The following LRR1 variants were observed in gnomAD, a reference collection of about 807,000 sequenced individuals.
LRR1 encodes leucine-rich repeat protein 1.
LRR1 carries 29 observed loss-of-function variants against 31.6 expected under a neutral mutation model. The ratio of observed to expected loss-of-function variants is 0.92; its 90% CI spans 0.68 to 1.25. The LOEUF (loss-of-function observed/expected upper bound fraction) is 1.25, where lower values mean the gene tolerates loss of function less well. LRR1 is among the 50% of genes most tolerant of loss of function. The pLI is 0.00. For synonymous variants in LRR1, 179 were observed against 181.4 expected (o/e 0.99, Z 0.10); for missense variants, 485 against 487.2 (o/e 1.00, Z 0.04).
rs762688991 is a variant in LRR1 at position 49,608,091 on chromosome 14, A to C, written c.974A>C (p.Glu325Ala). The C allele has an allele frequency of 6.3e-7, 1 of 1,597,136 alleles. No homozygotes were observed. The highest frequency in any genetic ancestry group is 1.1e-5 in the South Asian group (1 of 88,928). The change falls in exon 3 of 4, where the codon GAA (glutamate) becomes GCA (alanine). Residue 325 changes from glutamate (E) to alanine (A), a missense_variant. By Grantham distance (107) the Glu-to-Ala change is moderately radical (BLOSUM62 -1). Transcript: ENST00000298288. ...IKLQAPLTLLESSARTILHNR... is the reference protein window; with the variant it reads ...IKLQAPLTLLASSARTILHNR... ...CTGCAAGCACCATTAACTTTATTGG[A>C]ATCTTCTGCACGAACCATATTACAT...
Position 49,614,603 on chromosome 14 carries a change from A to G in LRR1, c.*107A>G, listed in dbSNP as rs764367403. ...GGGAAGATTTCTGTATACTTGCTGG[A>G]GAGGAGGAATGTGTATAGTTACTCA... On this transcript the variant is annotated 3_prime_UTR_variant, in exon 4 of 4. Coordinates refer to ENST00000298288, the MANE Select transcript of LRR1 (RefSeq NM_152329.4). 3.4e-6 allele frequency: 5 copies of G among 1,449,884 alleles called. No individual in the cohort carries two copies. The highest frequency in any genetic ancestry group is 4.8e-6 in the Non-Finnish European group (5 of 1,041,798). 89.8% of individuals were successfully genotyped at this position (1,449,884 alleles called of 1,614,324 possible).
rs1163510871 is a variant in LRR1 at position 49,600,140 on chromosome 14, C to G, written c.183+937C>G. 3 of 1,545,530 alleles carry G rather than the reference C, an allele frequency of 1.9e-6. No individual in the cohort carries two copies. The Admixed American group carries it at 5.0e-5, about 26-fold the overall frequency. On this transcript the variant is annotated intron_variant, in intron 1 of 3. Transcript: ENST00000298288. ...CCGTCTTCGACCACTACACAGTCAGCGTCACCGTGGGGGGCAAGCAGTACC... is the reference window on the plus strand; with the variant it reads ...CCGTCTTCGACCACTACACAGTCAGGGTCACCGTGGGGGGCAAGCAGTACC...
intron 1 of LRR1, chr14:49,600,125 C>T (rs1188737932): frequency 1.2e-4 from 189 of 1,570,088 alleles, no homozygotes; most frequent in Middle Eastern, 3.3e-4. Flanking sequence ...CCGTCTTCGA[C>T]CACTACACAG....
rs1882327009 is a variant in LRR1, at chr14:49,607,447, T to C, written c.330T>C (p.Ala110=). The change falls in exon 3 of 4, where the codon GCT becomes GCC. Residue 110 remains alanine (A), a synonymous_variant. Transcript: ENST00000298288. ...LKGFLSAMRL[A]HRGCNVDTPV... is the part of the protein sequence containing the mutation. ...GTTTCCTTTCAGCTATGAGACTGGC[T>C]CATAGAGGCTGTAATGTTGATACAC... The C allele has an allele frequency of 1.2e-6, 2 of 1,608,336 alleles. No homozygotes were observed. The highest frequency in any genetic ancestry group is 2.2e-5 in the South Asian group (2 of 90,548).
At chr14:49,613,483 C>T (rs992150308) in intron 3 of LRR1, among the ~76,000 whole-genome samples, 12 of 144,928 alleles carry the variant, frequency 8.3e-5, no homozygotes, top group Non-Finnish European at 1.5e-4. Flanking sequence ...CCAGTCTGGG[C>T]AACAGAGTGA....
intron 1 of LRR1, chr14:49,600,123 G>A (rs1881993861): frequency 3.8e-6 from 6 of 1,573,262 alleles, no homozygotes; most frequent in Middle Eastern, 1.7e-4. Flanking sequence ...CACCGTCTTC[G>A]ACCACTACAC....
intron 3 of LRR1, among the ~76,000 whole-genome samples, chr14:49,609,842 G>T (rs1882449385): frequency 6.6e-6 from 1 of 152,092 alleles, no homozygotes; most frequent in Non-Finnish European, 1.5e-5. Flanking sequence ...GAGTAGCTGG[G>T]ATTACAAGCA....
At chr14:49,611,959 A>C (rs764631729) in intron 3 of LRR1, among the ~76,000 whole-genome samples, 4 of 151,958 alleles carry the variant, frequency 2.6e-5, no homozygotes, top group Admixed American at 1.3e-4. Flanking sequence ...GAAATTGTAC[A>C]TTGTATTTAT....
chr14:49,602,916 A>G (rs970585001), intron 2 of LRR1, among the ~76,000 whole-genome samples: 5 of 151,130 alleles, frequency 3.3e-5, no homozygotes, highest in South Asian at 4.2e-4. Flanking sequence ...GCTCACTGCA[A>G]CCTCCATCTC....
intron 2 of LRR1, chr14:49,603,593 A>G (rs1229589870): frequency 3.7e-6 from 4 of 1,069,444 alleles, no homozygotes; most frequent in Non-Finnish European, 4.6e-6. Flanking sequence ...TGCAGTGGGA[A>G]GAGCTTGGTT....
At chr14:49,603,582 G>A (rs768027439) in intron 2 of LRR1, 21 of 879,640 alleles carry the variant, frequency 2.4e-5, no homozygotes, top group Middle Eastern at 7.1e-4. Context: ...CCAGGTTGGA[G>A]TGCAGTGGGA....
chr14:49,613,284 A>T (rs1363068251), intron 3 of LRR1, among the ~76,000 whole-genome samples: 1 of 150,432 alleles, frequency 6.6e-6, no homozygotes. Flanking sequence ...GCTTGCAGTG[A>T]GCCGAGATTG....
In LRR1 at chr14:49,607,457, T is replaced by A. The variant is rs1265822801; in HGVS notation, c.340T>A (p.Cys114Ser). 1.5e-5 allele frequency: 24 copies of A among 1,612,060 alleles called. No individual in the cohort carries two copies. Among genetic ancestry groups the A allele is most frequent in the Non-Finnish European group, 2.0e-5 (23 of 1,179,468 alleles). ...AGCTATGAGACTGGCTCATAGAGGC[T>A]GTAATGTTGATACACCAGTTTCAAC... The part of the protein sequence containing the change: ...LSAMRLAHRG[C>S]NVDTPVSTLT... The change falls in exon 3 of 4, where the codon TGT becomes AGT. Residue 114 changes from cysteine to serine, a missense_variant. By Grantham distance (112) the Cys-to-Ser change is moderately radical. This residue lies in a region of LRR1 where 260 missense variants were observed against 249.6 expected (regional missense o/e 1.04). Transcript: ENST00000298288.
chr14:49,600,536 C>T, intron 1 of LRR1: 1 of 1,560,820 alleles, frequency 6.4e-7, no homozygotes, highest in Non-Finnish European at 8.8e-7. Context: ...CTATCATAGC[C>T]ATTTTAACTC....
In LRR1 at chr14:49,607,468, T is replaced by TA; in HGVS notation, c.352dup (p.Thr118AsnfsTer15). On this transcript the variant is annotated frameshift_variant, in exon 3 of 4. Transcript: ENST00000298288. LOFTEE classifies it high-confidence loss of function. ...TGGCTCATAGAGGCTGTAATGTTGATACACCAGTTTCAACGCTCACACCAG... is the reference window on the plus strand; with the variant it reads ...TGGCTCATAGAGGCTGTAATGTTGATAACACCAGTTTCAACGCTCACACCAG... 3 of 1,613,236 alleles carry TA rather than the reference T, an allele frequency of 1.9e-6. No individual in the cohort carries two copies. The highest frequency in any genetic ancestry group is 2.5e-6 in the Non-Finnish European group (3 of 1,179,744).
intron 1 of LRR1, chr14:49,600,525 G>A: frequency 6.4e-7 from 1 of 1,565,848 alleles, no homozygotes; most frequent in Non-Finnish European, 8.8e-7. Context: ...TTTTGATGAG[G>A]CTATCATAGC....
chr14:49,609,217 C>CTTTTTTTTTTTTTTTTTTTT (rs746422046), intron 3 of LRR1, among the ~76,000 whole-genome samples: 2 of 76,906 alleles, frequency 2.6e-5, no homozygotes, highest in African/African-American at 1.1e-4. Flanking sequence ...ACACCTGGCC[C>CTTTTTTTTTTTTTTTTTTTT]TTTTTTTTTT....
chr14:49,606,993 C>A (rs1183883947), intron 2 of LRR1, among the ~76,000 whole-genome samples: 1 of 151,732 alleles, frequency 6.6e-6, no homozygotes, highest in East Asian at 1.9e-4. Flanking sequence ...CAATCATTTC[C>A]TATCTTATTT....
Position 49,607,644 on chromosome 14 carries a change from TA to T in LRR1, c.532del (p.Ser178AlafsTer5), listed in dbSNP as rs1446126429. On this transcript the variant is annotated frameshift_variant, in exon 3 of 4. Transcript: ENST00000298288. LOFTEE classifies it high-confidence loss of function. ...CGAGTTGATATGCGTATGCTTTGCT[TA>T]AAAAGCCTTAGGAAATTAGACTTGA... ...LVRVDMRMLC[L>X]KSLRKLDLSH... 1 of 1,613,966 alleles carries T rather than the reference TA, an allele frequency of 6.2e-7. No homozygotes were observed. Among genetic ancestry groups the T allele is most frequent in the Non-Finnish European group, 8.5e-7 (1 of 1,180,014 alleles).
Sources: allele counts gnomAD v4.1 joint callset (sites outside exome capture counted in the v4.1 genomes callset), GRCh38; gene constraint gnomAD v4.1.1; regional missense constraint gnomAD v4.1.1; transcripts MANE v1.5; gene names NCBI Gene and HGNC (gene_info 2026-07-23, HGNC 2026-07-21).